The following NRXN1 variants were observed in gnomAD, a reference collection of about 807,000 sequenced individuals.
NRXN1 encodes neurexin 1.
NRXN1 carries 39 observed loss-of-function variants against 150.9 expected under a neutral mutation model. The ratio of observed to expected loss-of-function variants is 0.26; its 90% CI spans 0.20 to 0.34. The LOEUF is 0.34. Among genes scored for constraint, NRXN1 ranks in the 10% least tolerant of loss-of-function variants. The pLI is 1.00. For missense variants in NRXN1, 1,815 were observed against 1,949.9 expected, an observed-to-expected ratio of 0.93 and a Z score of 1.30; for synonymous variants, 924 against 757.0, an observed-to-expected ratio of 1.22 and a Z score of -3.62.
At chr2:50,206,365 A>T (rs939146001) in intron 18 of NRXN1, among the ~76,000 whole-genome samples, 1 of 152,066 alleles carries the variant, frequency 6.6e-6, no homozygotes, top group African/African-American at 2.4e-5. Context: ...AAATTATCCA[A>T]TTGGCATTTT....
intron 5 of NRXN1, among the ~76,000 whole-genome samples, chr2:50,651,472 AACATGACATGACATGACATG>A (rs59984890): frequency 3.5e-4 from 52 of 149,616 alleles, no homozygotes; most frequent in East Asian, 4.0e-4. Context: ...AACATAACGT[AACATGACATGACATGACATG>A]ACATGACATG....
At chr2:50,663,713 C>A (rs1432987567) in intron 5 of NRXN1, among the ~76,000 whole-genome samples, 1 of 151,978 alleles carries the variant, frequency 6.6e-6, no homozygotes, top group African/African-American at 2.4e-5. Flanking sequence ...CTGGAACTTT[C>A]AAATGCATAT....
intron 5 of NRXN1, among the ~76,000 whole-genome samples, chr2:50,815,398 T>A (rs1559301912): frequency 6.6e-6 from 1 of 152,160 alleles, no homozygotes; most frequent in Non-Finnish European, 1.5e-5. Flanking sequence ...ATAATTAAAA[T>A]CTTTACAGTA....
intron 5 of NRXN1, among the ~76,000 whole-genome samples, chr2:50,863,412 G>A (rs1159561052): frequency 6.6e-6 from 1 of 151,898 alleles, no homozygotes; most frequent in African/African-American, 2.4e-5. Context: ...GAGTGGGTTT[G>A]TGTGTGTGTT....
At chr2:50,235,295 A>G (rs2065314161) in intron 18 of NRXN1, among the ~76,000 whole-genome samples, 1 of 152,158 alleles carries the variant, frequency 6.6e-6, no homozygotes, top group Non-Finnish European at 1.5e-5. Context: ...TTATGATGCC[A>G]TAAAAATCCA....
chr2:50,054,857 G>C, intron 20 of NRXN1, 98 bp downstream of exon 20: 1 of 784,766 alleles, frequency 1.3e-6, no homozygotes, highest in Non-Finnish European at 1.9e-6. Flanking sequence ...TAGTTTTACG[G>C]AAAATTTATT....
intron 17 of NRXN1, among the ~76,000 whole-genome samples, chr2:50,409,653 T>C (rs1558681531): frequency 6.6e-6 from 1 of 152,196 alleles, no homozygotes; most frequent in Non-Finnish European, 1.5e-5. Context: ...AACCTACTTT[T>C]TGAGTTAAGC....
Position 50,915,715 on chromosome 2 carries a change from C to T in NRXN1, c.832+6154G>A, listed in dbSNP as rs562290136. 8.6e-5 allele frequency among the ~76,000 whole-genome samples: 13 copies of T among 151,134 alleles called. No individual in the cohort carries two copies. The South Asian group carries it at 2.7e-3, about 32-fold the overall frequency. On this transcript the variant is annotated intron_variant, in intron 5 of 22. Coordinates refer to ENST00000401669, the MANE Select transcript of NRXN1 (RefSeq NM_001330078.2). ...GATAATGATACTGTTTTTGTTAAAC[C>T]TTTGGCAGATTACAGATCAATCGTT...
At chr2:50,995,410 A>T (rs1699116953) in intron 2 of NRXN1, among the ~76,000 whole-genome samples, 2 of 151,912 alleles carry the variant, frequency 1.3e-5, no homozygotes, top group South Asian at 2.1e-4. Context: ...CAGCCTGTCC[A>T]ACAGGACAAA....
chr2:50,475,036 G>C (rs2089878186), intron 15 of NRXN1, among the ~76,000 whole-genome samples: 1 of 151,984 alleles, frequency 6.6e-6, no homozygotes, highest in South Asian at 2.1e-4. Flanking sequence ...TGTGGGCTGA[G>C]ATTTATAATT....
intron 15 of NRXN1, among the ~76,000 whole-genome samples, chr2:50,488,509 A>G (rs1453455160): frequency 6.6e-6 from 1 of 152,194 alleles, no homozygotes; most frequent in Non-Finnish European, 1.5e-5. Flanking sequence ...GGCAGCTCAC[A>G]GCCCCAGTAG....
At chr2:50,269,330 C>T (rs2069280536) in intron 17 of NRXN1, among the ~76,000 whole-genome samples, 2 of 152,008 alleles carry the variant, frequency 1.3e-5, no homozygotes, top group Admixed American at 1.3e-4. Context: ...ATTGTTTCTG[C>T]CAAAATAATT....
chr2:50,217,526 T>A (rs1457204393), intron 18 of NRXN1, among the ~76,000 whole-genome samples: 2 of 151,878 alleles, frequency 1.3e-5, no homozygotes, highest in East Asian at 3.9e-4. Context: ...AGGTATGTAG[T>A]TTTTTTTAAA....
At chr2:50,777,543 G>T (rs909571061) in intron 5 of NRXN1, among the ~76,000 whole-genome samples, 5 of 152,090 alleles carry the variant, frequency 3.3e-5, no homozygotes, top group African/African-American at 7.2e-5. Context: ...CAAAGTTTTT[G>T]TAACTATTTT....
At chr2:50,139,151 C>T (rs764191964) in intron 18 of NRXN1, among the ~76,000 whole-genome samples, 3 of 151,876 alleles carry the variant, frequency 2.0e-5, no homozygotes, top group Non-Finnish European at 2.9e-5. Flanking sequence ...CATGGTGAAA[C>T]GCCATCTCTA....
intron 9 of NRXN1, among the ~76,000 whole-genome samples, chr2:50,545,669 C>T (rs2093478076): frequency 6.6e-6 from 1 of 152,074 alleles, no homozygotes; most frequent in Admixed American, 6.6e-5. Context: ...GTAGCTCTGC[C>T]AATATGGATG....
chr2:50,118,364 G>A (rs773012912), intron 18 of NRXN1, among the ~76,000 whole-genome samples: 10 of 152,068 alleles, frequency 6.6e-5, no homozygotes, highest in Non-Finnish European at 1.3e-4. Context: ...GGGAAGATTC[G>A]TGGATAGGGT....
At position 50,878,731 on chromosome 2, in the gene NRXN1, C is replaced by T. The variant is rs531662310; in HGVS notation, c.832+43138G>A. On this transcript the variant is annotated intron_variant, in intron 5 of 22. Coordinates refer to ENST00000401669, the MANE Select transcript of NRXN1 (RefSeq NM_001330078.2). ...TGGCTGACGAGATTGTTCCACAGAA[C>T]CTTTCATCAGATGTATTTGGGGAAA... 7.2e-5 allele frequency among the ~76,000 whole-genome samples: 11 copies of T among 151,996 alleles called. No homozygotes were observed. The East Asian group carries it at 2.0e-3, about 27-fold the overall frequency.
chr2:51,018,852 T>A (rs1392506908), intron 2 of NRXN1, among the ~76,000 whole-genome samples: 1 of 152,096 alleles, frequency 6.6e-6, no homozygotes, highest in Non-Finnish European at 1.5e-5. Flanking sequence ...TTAGTTGCAA[T>A]ATTTTGGGGC....
Sources: gnomAD v4.1 joint callset for allele counts (sites outside exome capture counted in the v4.1 genomes callset) on GRCh38, gnomAD v4.1.1 for gene constraint, MANE v1.5 for transcripts, NCBI Gene and HGNC (gene_info 2026-07-23, HGNC 2026-07-21) for gene names.